Variants in SLC37A3 observed in about 807,000 individuals in gnomAD.
SLC37A3 encodes sugar phosphate exchanger 3.
A neutral mutation model predicts 67.1 loss-of-function variants in SLC37A3; 51 were observed. The observed-to-expected ratio is 0.76, with a 90% confidence interval of 0.61 to 0.96. The LOEUF is 0.96. SLC37A3 is among the 40% of genes least tolerant of loss of function. The pLI is 0.00. For missense variants in SLC37A3, 508 were observed against 603.0 expected, an observed-to-expected ratio of 0.84 and a Z score of 1.65; for synonymous variants, 214 against 231.4, an observed-to-expected ratio of 0.92 and a Z score of 0.68.
rs1226776410 is a variant in SLC37A3 at position 140,361,716 on chromosome 7, T to C, written c.375+2692A>G. On this transcript the variant is annotated intron_variant, in intron 5 of 14. Transcript: ENST00000326232. ...GGCGCGCGCCGCCACGCCTGACTGGTTTTCGTTTTTTTTTTGGTGGAGACG... is the reference window on the plus strand; with the variant it reads ...GGCGCGCGCCGCCACGCCTGACTGGCTTTCGTTTTTTTTTTGGTGGAGACG... 3.3e-3 allele frequency among the ~76,000 whole-genome samples: 487 copies of C among 149,384 alleles called. 1 individual carries two copies. Among genetic ancestry groups the C allele is most frequent in the Non-Finnish European group, 5.2e-3 (347 of 66,938 alleles).
intron 2 of SLC37A3, among the ~76,000 whole-genome samples, chr7:140,381,257 T>C (rs928919354): frequency 1.7e-4 from 26 of 149,182 alleles, no homozygotes; most frequent in African/African-American, 5.1e-4. Context: ...CTCACGCCTA[T>C]AGTCCCAGCA....
chr7:140,390,901 C>A (rs1585381297), intron 1 of SLC37A3, among the ~76,000 whole-genome samples: 1 of 152,164 alleles, frequency 6.6e-6, no homozygotes, highest in East Asian at 1.9e-4. Flanking sequence ...TCATTTCCTG[C>A]CTTACCAACT....
intron 1 of SLC37A3, among the ~76,000 whole-genome samples, chr7:140,395,616 G>A (rs1216011850): frequency 6.6e-6 from 1 of 151,662 alleles, no homozygotes. Flanking sequence ...GCTGAAACAG[G>A]AGAATTGCTT....
chr7:140,367,793 G>GTGC (rs1797661214), intron 4 of SLC37A3, among the ~76,000 whole-genome samples: 1 of 150,626 alleles, frequency 6.6e-6, no homozygotes, highest in South Asian at 2.1e-4. Flanking sequence ...GTCTCCCAGG[G>GTGC]TGCTACCTCT....
intron 7 of SLC37A3, 81 bp from the exon 8 acceptor site, chr7:140,352,227 A>AGGGGGGGGG: frequency 4.1e-6 from 1 of 245,666 alleles, no homozygotes. Context: ...TGTGTGGGGG[A>AGGGGGGGGG]AGGTGGGGGT....
chr7:140,387,681 A>T (rs1585371812), intron 1 of SLC37A3, among the ~76,000 whole-genome samples: 1 of 112,754 alleles, frequency 8.9e-6, no homozygotes, highest in African/African-American at 3.4e-5. Context: ...TTATATATAA[A>T]TATATTATAT....
intron 13 of SLC37A3, among the ~76,000 whole-genome samples, chr7:140,340,293 CTTTTT>C (rs35512830): frequency 7.0e-6 from 1 of 141,912 alleles, no homozygotes; most frequent in Non-Finnish European, 1.5e-5. Context: ...CAACCTCATT[CTTTTT>C]TTTTTTTTTC....
intron 12 of SLC37A3, 41 bp downstream of exon 12, chr7:140,345,174 CA>C (rs1796504395): frequency 6.4e-7 from 1 of 1,565,566 alleles, no homozygotes; most frequent in African/African-American, 1.4e-5. Context: ...TCTGAATTTA[CA>C]GAGCAACAGA....
chr7:140,343,785 C>A (rs1796451164), intron 12 of SLC37A3: 1 of 500,930 alleles, frequency 2.0e-6, no homozygotes, highest in Non-Finnish European at 3.5e-6. Context: ...TTTTGTAGAA[C>A]CCAAAGATAC....
intron 13 of SLC37A3, among the ~76,000 whole-genome samples, chr7:140,341,958 G>C (rs564337853): frequency 6.6e-6 from 1 of 152,258 alleles, no homozygotes; most frequent in South Asian, 2.1e-4. Flanking sequence ...TCAAGGCTTT[G>C]CTAAGGTTTT....
intron 1 of SLC37A3, among the ~76,000 whole-genome samples, chr7:140,386,303 C>T (rs1798446977): frequency 6.6e-6 from 1 of 152,034 alleles, no homozygotes; most frequent in African/African-American, 2.4e-5. Flanking sequence ...TTCCTGGCCT[C>T]GGGGAATCCT....
intron 5 of SLC37A3, among the ~76,000 whole-genome samples, chr7:140,363,481 G>A (rs1272738814): frequency 2.8e-5 from 3 of 106,100 alleles, no homozygotes; most frequent in Non-Finnish European, 6.0e-5. Context: ...TTGTTAAACA[G>A]ATGCTTGAAG....
intron 3 of SLC37A3, chr7:140,379,368 G>A (rs1179813287): frequency 2.0e-5 from 3 of 151,498 alleles, no homozygotes; most frequent in South Asian, 2.1e-4. Context: ...CCAGCTACTT[G>A]GGAGGCTGAG....
chr7:140,385,814 G>A (rs1798425538), intron 1 of SLC37A3, among the ~76,000 whole-genome samples: 1 of 152,032 alleles, frequency 6.6e-6, no homozygotes, highest in South Asian at 2.1e-4. Flanking sequence ...ACAGAGTCTG[G>A]CTCTGTTGCC....
intron 13 of SLC37A3, chr7:140,337,558 T>C (rs921208546): frequency 5.0e-6 from 2 of 400,554 alleles, no homozygotes; most frequent in Non-Finnish European, 9.0e-6. Context: ...AAAAACCGTA[T>C]AATAGAAGTT....
At chr7:140,348,037 C>T (rs1003483911) in intron 10 of SLC37A3, among the ~76,000 whole-genome samples, 16 of 151,974 alleles carry the variant, frequency 1.1e-4, no homozygotes, top group South Asian at 4.1e-4. Context: ...TTAACAATAA[C>T]GACAAAATAG....
In SLC37A3 at chr7:140,335,468, C is replaced by G. The variant is rs139406164; in HGVS notation, c.1429G>C (p.Val477Leu). Residue 477 changes from valine (V) to leucine (L), a missense_variant, in exon 15 of 15, where the codon GTG (valine) becomes CTG (leucine). Val to Leu is a conservative substitution (Grantham distance 32, BLOSUM62 1). Transcript: ENST00000326232. ...CTIVFISPLI[V>L]REIFSLVLRR... ...AGCACGAGAGAGAATATTTCCCTCA[C>G]TATTAATGGCGAGATAAACACAATT... The G allele has an allele frequency of 3.1e-4, 500 of 1,614,108 alleles. 1 individual carries two copies. The African/African-American group carries it at 5.3e-3, about 17-fold the overall frequency.
intron 14 of SLC37A3, among the ~76,000 whole-genome samples, chr7:140,336,491 A>T (rs35006511): frequency 0.12 from 18,185 of 152,264 alleles, 1,377 homozygotes; most frequent in East Asian, 0.32. Flanking sequence ...GAAAGTAGAG[A>T]ATCCCAGCCA....
intron 1 of SLC37A3, among the ~76,000 whole-genome samples, chr7:140,384,147 T>A (rs941976215): frequency 2.6e-5 from 4 of 152,168 alleles, no homozygotes; most frequent in Admixed American, 2.6e-4. Flanking sequence ...TTATGGTATG[T>A]CTGAATGGCT....
Sources: gnomAD v4.1 joint callset for allele counts (sites outside exome capture counted in the v4.1 genomes callset) on GRCh38, gnomAD v4.1.1 for gene constraint, MANE v1.5 for transcripts, NCBI Gene and HGNC (gene_info 2026-07-23, HGNC 2026-07-21) for gene names.